The following NDUFA9 variants were observed in gnomAD, a reference collection of about 807,000 sequenced individuals.
NDUFA9 encodes the protein NADH dehydrogenase [ubiquinone] 1 alpha subcomplex subunit 9, mitochondrial.
In NDUFA9, 23 loss-of-function variants were observed where a neutral mutation model predicts 45.9. The observed-to-expected ratio is 0.50, with a 90% CI of 0.36 to 0.71. NDUFA9 has a LOEUF of 0.71. Among genes scored for constraint, NDUFA9 ranks in the 30% least tolerant of loss-of-function variants. The probability of loss-of-function intolerance (pLI) is 0.00; values close to 1 mark genes in which losing one functional copy is unlikely to be tolerated. For synonymous variants in NDUFA9, 176 were observed against 170.5 expected, an observed-to-expected ratio of 1.03 and a Z score of -0.25; for missense variants, 466 against 488.2, an observed-to-expected ratio of 0.95 and a Z score of 0.43.
intron 6 of NDUFA9, among the ~76,000 whole-genome samples, chr12:4,664,513 G>A (rs1222679150): frequency 6.6e-6 from 1 of 152,252 alleles, no homozygotes; most frequent in Non-Finnish European, 1.5e-5. Context: ...AAAGGATGGG[G>A]CCATTGCCTC....
intron 8 of NDUFA9, among the ~76,000 whole-genome samples, chr12:4,671,373 TAAG>T (rs1166675368): frequency 6.6e-6 from 1 of 151,870 alleles, no homozygotes; most frequent in Admixed American, 6.5e-5. Context: ...AAAATAAAAT[TAAG>T]AAAAGAATTT....
intron 8 of NDUFA9, among the ~76,000 whole-genome samples, chr12:4,681,932 G>A (rs890509865): frequency 6.6e-6 from 1 of 152,114 alleles, no homozygotes; most frequent in Non-Finnish European, 1.5e-5. Context: ...CGATTATGAT[G>A]TAATGTTAAA....
rs117388445 is a variant in NDUFA9 at position 4,658,938 on chromosome 12, T to C, written c.411-98T>C. On this transcript the variant is annotated intron_variant, in intron 4 of 10. Coordinates refer to ENST00000266544, the MANE Select transcript of NDUFA9 (RefSeq NM_005002.5). ...TTGCTGTTTAAAAGTTTAAGTAGTGTGAATTTCAGTACTGTTATGAAAACC... is the reference window on the plus strand; with the variant it reads ...TTGCTGTTTAAAAGTTTAAGTAGTGCGAATTTCAGTACTGTTATGAAAACC... 9.5e-3 allele frequency: 12,026 copies of C among 1,266,390 alleles called. 97 individuals carry two copies. Among genetic ancestry groups the C allele is most frequent in the Middle Eastern group, 0.022 (78 of 3,510 alleles). 78.4% of individuals were successfully genotyped at this position (1,266,390 alleles called of 1,614,324 possible).
intron 6 of NDUFA9, among the ~76,000 whole-genome samples, chr12:4,662,883 G>A (rs998424020): frequency 6.6e-6 from 1 of 152,124 alleles, no homozygotes; most frequent in Non-Finnish European, 1.5e-5. Context: ...TTAAGTCTTG[G>A]CCCAGCTAAC....
intron 8 of NDUFA9, among the ~76,000 whole-genome samples, chr12:4,677,339 G>T (rs902854959): frequency 6.6e-6 from 1 of 152,162 alleles, no homozygotes; most frequent in East Asian, 1.9e-4. Context: ...CACAGCAAAA[G>T]AAACTATCAT....
intron 6 of NDUFA9, among the ~76,000 whole-genome samples, chr12:4,667,919 G>A (rs1324128435): frequency 6.6e-6 from 1 of 151,928 alleles, no homozygotes; most frequent in Non-Finnish European, 1.5e-5. Flanking sequence ...TTAGTTTATG[G>A]TGAGAACTAA....
chr12:4,682,371 C>A, intron 9 of NDUFA9, 71 bp downstream of exon 9: 1 of 1,184,216 alleles, frequency 8.4e-7, no homozygotes, highest in South Asian at 1.3e-5. Flanking sequence ...AATGTTCTCC[C>A]TTAGGGTTAT....
chr12:4,671,366 A>G (rs1459447275), intron 8 of NDUFA9, among the ~76,000 whole-genome samples: 1 of 152,176 alleles, frequency 6.6e-6, no homozygotes, highest in East Asian at 1.9e-4. Flanking sequence ...CAATGTGAAA[A>G]TAAAATTAAG....
At chr12:4,678,839 A>G (rs1945936191) in intron 8 of NDUFA9, among the ~76,000 whole-genome samples, 1 of 152,192 alleles carries the variant, frequency 6.6e-6, no homozygotes. Context: ...GTAAAATTGT[A>G]TAGCCACTTT....
At chr12:4,657,006 T>C (rs1264151671) in intron 3 of NDUFA9, among the ~76,000 whole-genome samples, 7 of 152,182 alleles carry the variant, frequency 4.6e-5, no homozygotes, top group Non-Finnish European at 4.4e-5. Flanking sequence ...TCTCTCTCTT[T>C]CTCTTTCATC....
intron 6 of NDUFA9, among the ~76,000 whole-genome samples, chr12:4,666,173 G>T (rs1945852184): frequency 1.3e-5 from 2 of 151,998 alleles, no homozygotes; most frequent in Non-Finnish European, 2.9e-5. Context: ...GTGCTTTTTG[G>T]CTACTTTATT....
At chr12:4,668,382 TG>T (rs1945865549) in intron 6 of NDUFA9, 74 bp from the exon 7 acceptor site, 1 of 1,180,194 alleles carries the variant, frequency 8.5e-7, no homozygotes, top group Admixed American at 1.7e-5. Context: ...ACAATAATTA[TG>T]TTAATCTTAA....
chr12:4,678,969 T>A (rs1945936812), intron 8 of NDUFA9, among the ~76,000 whole-genome samples: 1 of 152,220 alleles, frequency 6.6e-6, no homozygotes, highest in Admixed American at 6.5e-5. Flanking sequence ...GATTTGCACT[T>A]GAATTTTCAT....
intron 9 of NDUFA9, among the ~76,000 whole-genome samples, chr12:4,684,202 T>A (rs1945970336): frequency 6.6e-6 from 1 of 152,230 alleles, no homozygotes; most frequent in African/African-American, 2.4e-5. Flanking sequence ...CGTTGAGGAA[T>A]CTGAGGCTTT....
rs757801385 is a variant in NDUFA9 at position 4,682,310 on chromosome 12, G to A, written c.896+10G>A. 2.8e-5 allele frequency: 44 copies of A among 1,593,392 alleles called. No individual in the cohort carries two copies. The South Asian group carries it at 4.6e-4, about 17-fold the overall frequency. ...CGCTTTTTGCCTATCGGTAAGTAGA[G>A]TGCTCCTTTTGTGTGACTTCTGAAA... On this transcript the variant is annotated intron_variant, in intron 9 of 10. Transcript: ENST00000266544.
intron 9 of NDUFA9, among the ~76,000 whole-genome samples, chr12:4,682,892 C>T (rs150451007): frequency 6.6e-6 from 1 of 152,288 alleles, no homozygotes; most frequent in Non-Finnish European, 1.5e-5. Context: ...TATAGCGAAG[C>T]CCCATCTCTA....
chr12:4,681,471 A>T (rs1945951747), intron 8 of NDUFA9, among the ~76,000 whole-genome samples: 1 of 151,468 alleles, frequency 6.6e-6, no homozygotes, highest in South Asian at 2.1e-4. Context: ...AAGACATAAT[A>T]ATTAAAACAT....
intron 1 of NDUFA9, among the ~76,000 whole-genome samples, chr12:4,653,026 C>T (rs1347460686): frequency 5.3e-5 from 8 of 152,250 alleles, no homozygotes; most frequent in Non-Finnish European, 8.8e-5. Context: ...GTACAAAGCA[C>T]GAATGCTAAG....
chr12:4,656,595 C>A (rs1242876744), intron 3 of NDUFA9, among the ~76,000 whole-genome samples: 1 of 152,192 alleles, frequency 6.6e-6, no homozygotes, highest in Non-Finnish European at 1.5e-5. Context: ...CCGCTTTAGT[C>A]TTTGTTTGCA....
Sources: allele counts gnomAD v4.1 joint callset (sites outside exome capture counted in the v4.1 genomes callset), GRCh38; gene constraint gnomAD v4.1.1; transcripts MANE v1.5; gene names NCBI Gene and HGNC (gene_info 2026-07-23, HGNC 2026-07-21).